The following LPP variants were observed in gnomAD, a reference collection of about 807,000 sequenced individuals.
The protein encoded by LPP is lipoma-preferred partner.
LPP carries 38 observed loss-of-function variants against 60.4 expected under a neutral mutation model. The observed-to-expected ratio is 0.63, with a 90% CI of 0.49 to 0.83. LPP has a LOEUF of 0.83. Among genes scored for constraint, LPP ranks in the 40% least tolerant of loss-of-function variants. The pLI is 0.00. For synonymous variants in LPP, 328 were observed against 290.8 expected, an observed-to-expected ratio of 1.13 and a Z score of -1.30; for missense variants, 902 against 783.6, an observed-to-expected ratio of 1.15 and a Z score of -1.80.
chr3:188,383,404 T>C (rs1777404957), intron 3 of LPP, among the ~76,000 whole-genome samples: 1 of 152,216 alleles, frequency 6.6e-6, no homozygotes, highest in East Asian at 1.9e-4. Flanking sequence ...ATTTTTGTTG[T>C]TGTTATTATC....
At chr3:188,340,415 T>TTC (rs1234756837) in intron 2 of LPP, among the ~76,000 whole-genome samples, 12 of 151,216 alleles carry the variant, frequency 7.9e-5, no homozygotes, top group Non-Finnish European at 1.2e-4. Flanking sequence ...TTTTTTTTTT[T>TTC]TGAAACTTTT....
chr3:188,476,236 T>A (rs756445806), intron 4 of LPP, among the ~76,000 whole-genome samples: 34 of 151,478 alleles, frequency 2.2e-4, no homozygotes, highest in Non-Finnish European at 4.6e-4. Context: ...TGTTTTTCCC[T>A]GGGGTCTAGA....
chr3:188,277,955 A>T (rs774532035), intron 2 of LPP, among the ~76,000 whole-genome samples: 3 of 152,198 alleles, frequency 2.0e-5, no homozygotes, highest in Non-Finnish European at 4.4e-5. Flanking sequence ...GTGGAGGAAA[A>T]ATCATTTATT....
chr3:188,749,533 C>A (rs542668554), intron 8 of LPP, among the ~76,000 whole-genome samples: 2 of 152,252 alleles, frequency 1.3e-5, no homozygotes, highest in African/African-American at 4.8e-5. Flanking sequence ...GAAGTAGTGT[C>A]AGGGGAGAAT....
At chr3:188,675,730 A>G (rs1172560387) in intron 7 of LPP, among the ~76,000 whole-genome samples, 1 of 152,236 alleles carries the variant, frequency 6.6e-6, no homozygotes, top group African/African-American at 2.4e-5. Flanking sequence ...TAATAATTCT[A>G]AAGTTCTTAG....
intron 2 of LPP, among the ~76,000 whole-genome samples, chr3:188,284,370 G>A (rs1743198651): frequency 6.6e-6 from 1 of 152,116 alleles, no homozygotes; most frequent in Admixed American, 6.5e-5. Flanking sequence ...CCTAATGTAG[G>A]ACAACGGCAA....
intron 3 of LPP, among the ~76,000 whole-genome samples, chr3:188,349,484 A>G (rs900184668): frequency 2.0e-5 from 3 of 152,182 alleles, no homozygotes; most frequent in Non-Finnish European, 2.9e-5. Context: ...GTGTGTTTAA[A>G]GGGATTTTTT....
Position 188,387,923 on chromosome 3 carries a change from A to AT in LPP, c.-9-18175dup, listed in dbSNP as rs35318745. ...ATTGATGACTTGTTTTGTGAAAGGGATTTTTTTTTTTTTTAGCTTTAGTAG... is the reference window on the plus strand; with the variant it reads ...ATTGATGACTTGTTTTGTGAAAGGGATTTTTTTTTTTTTTTAGCTTTAGTAG... On this transcript the variant is annotated intron_variant, in intron 3 of 11. Coordinates refer to ENST00000617246, the MANE Select transcript of LPP (RefSeq NM_001375462.1). 2.8e-3 allele frequency among the ~76,000 whole-genome samples: 410 copies of AT among 148,078 alleles called. 5 individuals are homozygous for AT. The highest frequency in any genetic ancestry group is 9.8e-3 in the African/African-American group (395 of 40,396).
At chr3:188,700,100 C>T (rs1036741030) in intron 7 of LPP, among the ~76,000 whole-genome samples, 1 of 152,062 alleles carries the variant, frequency 6.6e-6, no homozygotes, top group Admixed American at 6.5e-5. Context: ...GGGAAGGAAC[C>T]TCTTGTACAT....
chr3:188,837,944 T>TA (rs1201911111), intron 9 of LPP, among the ~76,000 whole-genome samples: 1 of 151,990 alleles, frequency 6.6e-6, no homozygotes, highest in Admixed American at 6.6e-5. Flanking sequence ...CTCATCTCTC[T>TA]ATCTAGTGTG....
intron 2 of LPP, among the ~76,000 whole-genome samples, chr3:188,249,829 TACACACACACACAC>T (rs61215623): frequency 1.8e-4 from 20 of 111,204 alleles, no homozygotes; most frequent in East Asian, 5.0e-4. Context: ...TTTCTCTGTC[TACACACACACACAC>T]ACACACACAC....
At chr3:188,448,393 TCTA>T (rs374254779) in intron 4 of LPP, among the ~76,000 whole-genome samples, 140 of 7,390 alleles carry the variant, frequency 0.019, no homozygotes, top group Middle Eastern at 0.1. Context: ...TATTGAGATA[TCTA>T]TATTTAGATA....
At chr3:188,272,435 T>A (rs183349098) in intron 2 of LPP, among the ~76,000 whole-genome samples, 17 of 152,318 alleles carry the variant, frequency 1.1e-4, no homozygotes, top group African/African-American at 3.8e-4. Context: ...CCAAATTCTT[T>A]TGTGTAACAT....
chr3:188,341,282 C>G (rs1294092377), intron 2 of LPP, among the ~76,000 whole-genome samples: 1 of 152,178 alleles, frequency 6.6e-6, no homozygotes, highest in Non-Finnish European at 1.5e-5. Context: ...AACTTTGGCT[C>G]CAAATTCATG....
intron 9 of LPP, among the ~76,000 whole-genome samples, chr3:188,861,097 GC>G (rs1765096046): frequency 6.6e-6 from 1 of 152,142 alleles, no homozygotes; most frequent in East Asian, 1.9e-4. Flanking sequence ...ATGCCCTTCA[GC>G]CAGAAGTGAT....
At chr3:188,298,048 C>CT (rs562332727) in intron 2 of LPP, among the ~76,000 whole-genome samples, 2 of 152,174 alleles carry the variant, frequency 1.3e-5, no homozygotes, top group Non-Finnish European at 2.9e-5. Flanking sequence ...CTACTGTTAT[C>CT]TTTTTTCCAA....
At chr3:188,870,737 C>A (rs745416380) in intron 10 of LPP, among the ~76,000 whole-genome samples, 1 of 152,174 alleles carries the variant, frequency 6.6e-6, no homozygotes, top group Non-Finnish European at 1.5e-5. Context: ...GATTGTGAGC[C>A]CTCCTCGAAT....
At chr3:188,457,823 C>T (rs991063020) in intron 4 of LPP, among the ~76,000 whole-genome samples, 2 of 151,666 alleles carry the variant, frequency 1.3e-5, no homozygotes, top group South Asian at 2.1e-4. Context: ...GCAGGAGAAT[C>T]GCTTGAACCC....
At chr3:188,684,088 T>A (rs112358183) in intron 7 of LPP, among the ~76,000 whole-genome samples, 115 of 152,374 alleles carry the variant, frequency 7.5e-4, no homozygotes, top group African/African-American at 2.5e-3. Context: ...CACATACGCA[T>A]TGGCTGATCA....
Sources: gnomAD v4.1 joint callset for allele counts (sites outside exome capture counted in the v4.1 genomes callset) on GRCh38, gnomAD v4.1.1 for gene constraint, MANE v1.5 for transcripts, NCBI Gene and HGNC (gene_info 2026-07-23, HGNC 2026-07-21) for gene names.